GMFB: variants seen among roughly 807,000 people sequenced by gnomAD.
GMFB encodes the protein GMF-beta.
GMFB carries 13 observed loss-of-function variants against 25.6 expected under a neutral mutation model. That is an observed-to-expected ratio of 0.51 (90% CI 0.33 to 0.81). The LOEUF is 0.81. Among genes scored for constraint, GMFB ranks in the 30% least tolerant of loss-of-function variants. The pLI is 0.02. For missense variants in GMFB, 146 were observed against 175.4 expected (o/e 0.83, Z 0.95); for synonymous variants, 57 against 56.9 (o/e 1.00, Z 0.00).
At chr14:54,479,749 A>G (rs553104864) in intron 6 of GMFB, 37 bp downstream of exon 6, 2 of 1,233,930 alleles carry the variant, frequency 1.6e-6, no homozygotes, top group South Asian at 2.4e-5. Flanking sequence ...CTAAAGGAAA[A>G]TATTGTCTCA....
At chr14:54,480,580 C>T (rs1232513513) in intron 5 of GMFB, 1 of 235,850 alleles carries the variant, frequency 4.2e-6, no homozygotes, top group East Asian at 9.7e-5. Context: ...AAAGAAAATA[C>T]TTCTGCTATA....
intron 1 of GMFB, chr14:54,488,567 G>A: frequency 3.8e-6 from 1 of 261,344 alleles, no homozygotes; most frequent in East Asian, 6.6e-5. Flanking sequence ...GGAATTGAGG[G>A]AGCCCTCCGA....
chr14:54,483,815 G>A (rs2031746084), intron 1 of GMFB, 48 bp from the exon 2 acceptor site: 1 of 1,009,240 alleles, frequency 9.9e-7, no homozygotes, highest in South Asian at 1.3e-5. Flanking sequence ...TTCAATATAT[G>A]TACATGTTAA....
At chr14:54,479,507 AAACT>A in intron 6 of GMFB, 1 of 313,136 alleles carries the variant, frequency 3.2e-6, no homozygotes, top group Non-Finnish European at 5.9e-6. Context: ...TATGGCAGAT[AAACT>A]AACTCTCAAT....
At chr14:54,483,874 T>C (rs1008205945) in intron 1 of GMFB, 107 bp from the exon 2 acceptor site, 21 of 735,208 alleles carry the variant, frequency 2.9e-5, no homozygotes, top group Middle Eastern at 4.5e-4. Flanking sequence ...TTCACAAATG[T>C]CAATTAAGTG....
Position 54,478,113 on chromosome 14 carries a change from C to T in GMFB, c.404G>A (p.Arg135His), listed in dbSNP as rs200777099. 85 of 1,455,382 alleles carry T rather than the reference C, an allele frequency of 5.8e-5. 2 individuals carry two copies. The South Asian group carries it at 9.7e-4, about 17-fold the overall frequency. The allele number at this position is 1,455,382 out of a possible 1,614,324, so 90.2% of individuals were successfully genotyped here. A position where few individuals can be genotyped will look rare whatever the true frequency, so the allele number is the denominator to read the frequency against. The change falls in exon 7 of 7, where the codon CGT (arginine) becomes CAT (histidine). Residue 135 changes from arginine (R) to histidine (H), a missense_variant. Coordinates refer to ENST00000358056, the MANE Select transcript of GMFB (RefSeq NM_004124.3). ...NTEDLTEEWL[R>H]EKLGFFH is the part of the protein sequence containing the mutation. ...TTAGTGAAAAAATCCAAGTTTCTCACGTAACCATTCTTCAGTTAGGTCTTC... is the reference window on the plus strand; with the variant it reads ...TTAGTGAAAAAATCCAAGTTTCTCATGTAACCATTCTTCAGTTAGGTCTTC...
At chr14:54,484,471 C>T (rs1437564800) in intron 1 of GMFB, among the ~76,000 whole-genome samples, 4 of 152,020 alleles carry the variant, frequency 2.6e-5, no homozygotes, top group East Asian at 1.9e-4. Context: ...TGGACACACA[C>T]AATCTACCAA....
intron 1 of GMFB, among the ~76,000 whole-genome samples, chr14:54,488,126 G>A (rs112521382): frequency 1.5e-4 from 23 of 152,336 alleles, no homozygotes; most frequent in African/African-American, 5.5e-4. Flanking sequence ...GAATTGAGTG[G>A]ATGGTCACAG....
Position 54,482,210 on chromosome 14 carries a change from A to G in GMFB, c.101-8T>C. ...TATCCTTGTCAATCTTCACTAAAATAAAAATCAAGTATGAGTAAGCTGGGA... is the reference window on the plus strand; with the variant it reads ...TATCCTTGTCAATCTTCACTAAAATGAAAATCAAGTATGAGTAAGCTGGGA... On this transcript the variant is annotated splice_region_variant and splice_polypyrimidine_tract_variant and intron_variant, in intron 2 of 6. Transcript: ENST00000358056. 6.3e-7 allele frequency: 1 copy of G among 1,589,930 alleles called. No homozygotes were observed. Among genetic ancestry groups the G allele is most frequent in the Non-Finnish European group, 8.6e-7 (1 of 1,158,184 alleles).
Position 54,474,704 on chromosome 14 carries a change from T to C in GMFB, c.*3384A>G, listed in dbSNP as rs1448341412. On this transcript the variant is annotated 3_prime_UTR_variant, in exon 7 of 7. Coordinates refer to ENST00000358056, the MANE Select transcript of GMFB (RefSeq NM_004124.3). Reference sequence around the variant, plus strand: ...TCCTGAATGAGATTATCTTGGACCATCTAAATCAGTGGGAACTGCCCTGGC... The same window carrying C: ...TCCTGAATGAGATTATCTTGGACCACCTAAATCAGTGGGAACTGCCCTGGC... The C allele has an allele frequency of 2.0e-5, 3 of 152,648 alleles. No individual in the cohort carries two copies. Among genetic ancestry groups the C allele is most frequent in the African/African-American group, 4.8e-5 (2 of 41,466 alleles). 9.5% of individuals were successfully genotyped at this position (152,648 alleles called of 1,614,324 possible).
At chr14:54,479,070 AG>A (rs1397131429) in intron 6 of GMFB, 1 of 152,178 alleles carries the variant, frequency 6.6e-6, no homozygotes, top group Non-Finnish European at 1.5e-5. Context: ...GGGCACTTAA[AG>A]GCATTCCAGA....
intron 3 of GMFB, among the ~76,000 whole-genome samples, chr14:54,481,759 G>A (rs1057021835): frequency 3.9e-5 from 6 of 151,986 alleles, no homozygotes; most frequent in Admixed American, 6.6e-5. Context: ...GTATCTTAGC[G>A]GAAAGAAACA....
intron 5 of GMFB, 155 bp from the exon 6 acceptor site, chr14:54,480,014 C>T (rs2031690183): frequency 3.6e-6 from 2 of 554,376 alleles, no homozygotes; most frequent in Non-Finnish European, 3.2e-6. Flanking sequence ...TTACATTGCA[C>T]ACTGCCTACA....
In GMFB at chr14:54,476,806, GT is replaced by G. The variant is rs1164568323; in HGVS notation, c.*1281del. ...AGAATACACTCACCAAGTTTGGTTA[GT>G]TTTTAGAGTCTCTAGACCTATTATC... On this transcript the variant is annotated 3_prime_UTR_variant, in exon 7 of 7. Transcript: ENST00000358056. 1 of 151,996 alleles carries G rather than the reference GT, an allele frequency of 6.6e-6. No individual in the cohort carries two copies. The highest frequency in any genetic ancestry group is 2.4e-5 in the African/African-American group (1 of 41,428). The allele number at this position is 151,996 out of a possible 1,614,324, so 9.4% of individuals were successfully genotyped here.
Position 54,477,650 on chromosome 14 carries a change from T to C in GMFB, c.*438A>G, listed in dbSNP as rs1048109605. On this transcript the variant is annotated 3_prime_UTR_variant, in exon 7 of 7. Transcript: ENST00000358056. ...GGCTCAATACTGGGTCACTCAAGTC[T>C]TTGACCCCAAATGAATTTCAATGAT... The C allele has an allele frequency of 1.3e-5, 2 of 153,478 alleles. No individual in the cohort carries two copies. Among genetic ancestry groups the C allele is most frequent in the Non-Finnish European group, 2.9e-5 (2 of 68,904 alleles). The allele number at this position is 153,478 out of a possible 1,614,324, so 9.5% of individuals were successfully genotyped here.
At position 54,479,852 on chromosome 14, in the gene GMFB, C is replaced by T; in HGVS notation, c.291G>A (p.Lys97=). ...CAGCATACATCATCTGTTGTTCAGG[C>T]TTACATCCTGGAAAAGAGAGATTAG... ...CFIFSSPVGC[K]PEQQMMYAGS... Residue 97 remains lysine, a synonymous_variant, in exon 6 of 7, where the codon AAG becomes AAA. Transcript: ENST00000358056. 2 of 1,594,348 alleles carry T rather than the reference C, an allele frequency of 1.3e-6. No homozygotes were observed. Among genetic ancestry groups the T allele is most frequent in the Non-Finnish European group, 1.7e-6 (2 of 1,162,550 alleles).
At chr14:54,480,624 T>C (rs1039260560) in intron 5 of GMFB, 1 of 333,036 alleles carries the variant, frequency 3.0e-6, no homozygotes, top group Non-Finnish European at 5.5e-6. Flanking sequence ...ATCCTTAAAA[T>C]ACATGTATGA....
In GMFB at chr14:54,475,134, A is replaced by T. The variant is rs113465345; in HGVS notation, c.*2954T>A. On this transcript the variant is annotated 3_prime_UTR_variant, in exon 7 of 7. Coordinates refer to ENST00000358056, the MANE Select transcript of GMFB (RefSeq NM_004124.3). ...ATATCAGCATTTAAACTCTTATGAA[A>T]ATATCTATTCATCACTAGTCCACAT... 1.4e-4 allele frequency: 22 copies of T among 152,732 alleles called. No individual in the cohort carries two copies. The highest frequency in any genetic ancestry group is 5.3e-4 in the African/African-American group (22 of 41,596). The allele number at this position is 152,732 out of a possible 1,614,324, so 9.5% of individuals were successfully genotyped here.
chr14:54,484,941 AG>A (rs2031763209), intron 1 of GMFB, among the ~76,000 whole-genome samples: 1 of 152,186 alleles, frequency 6.6e-6, no homozygotes, highest in Non-Finnish European at 1.5e-5. Flanking sequence ...TCATTTCAAG[AG>A]ATGCTGAAAA....
Sources: allele counts gnomAD v4.1 joint callset (sites outside exome capture counted in the v4.1 genomes callset), GRCh38; gene constraint gnomAD v4.1.1; transcripts MANE v1.5; gene names NCBI Gene and HGNC (gene_info 2026-07-23, HGNC 2026-07-21).